Variants in DNMT3B observed in about 807,000 individuals in gnomAD.
DNMT3B encodes DNA methyltransferase 3 beta.
Under a neutral mutation model 120.2 loss-of-function variants are expected in DNMT3B, and 37 were observed. That is an observed-to-expected ratio of 0.31 (90% CI 0.24 to 0.40). The LOEUF is 0.40. DNMT3B is among the 10% of genes least tolerant of loss of function. The probability of loss-of-function intolerance (pLI) is 1.00; values close to 1 mark genes in which losing one functional copy is unlikely to be tolerated. For missense variants in DNMT3B, 878 were observed against 1,137.3 expected (o/e 0.77, Z 3.28); for synonymous variants, 412 against 442.8 (o/e 0.93, Z 0.87).
chr20:32,784,900 A>G, intron 4 of DNMT3B, 41 bp downstream of exon 4: 1 of 1,593,182 alleles, frequency 6.3e-7, no homozygotes, highest in East Asian at 2.2e-5. Context: ...TGTGGCCAAC[A>G]CTCTACATAG....
chr20:32,775,455 T>C (rs1003210536), intron 1 of DNMT3B, among the ~76,000 whole-genome samples: 4 of 152,204 alleles, frequency 2.6e-5, no homozygotes, highest in African/African-American at 4.8e-5. Flanking sequence ...CTGAGTCTAA[T>C]TGGGGGTTGC....
intron 20 of DNMT3B, 29 bp from the exon 21 acceptor site, chr20:32,805,309 A>G: frequency 6.2e-7 from 1 of 1,614,096 alleles, no homozygotes. Context: ...TATAGCTAGT[A>G]AGAAGTAATG....
At chr20:32,772,024 T>G (rs904038207) in intron 1 of DNMT3B, among the ~76,000 whole-genome samples, 47 of 152,196 alleles carry the variant, frequency 3.1e-4, no homozygotes, top group Non-Finnish European at 4.9e-4. Flanking sequence ...ATTATGCAGG[T>G]TTCTTGTTTT....
chr20:32,782,785 G>A (rs1978782915), intron 3 of DNMT3B, among the ~76,000 whole-genome samples: 1 of 152,146 alleles, frequency 6.6e-6, no homozygotes, highest in African/African-American at 2.4e-5. Flanking sequence ...GCAGCCATGG[G>A]GGGTCTTGCA....
intron 1 of DNMT3B, chr20:32,779,759 G>A: frequency 2.4e-6 from 1 of 411,080 alleles, no homozygotes. Flanking sequence ...CTGGAGGATG[G>A]GGTGAGGCGG....
intron 12 of DNMT3B, among the ~76,000 whole-genome samples, chr20:32,796,208 C>T (rs919222236): frequency 8.5e-5 from 13 of 152,142 alleles, no homozygotes; most frequent in African/African-American, 2.7e-4. Flanking sequence ...CCAGAGAACC[C>T]GGGGAAGAGC....
chr20:32,801,341 G>T lies in DNMT3B; in HGVS notation c.2060G>T (p.Gly687Val), dbSNP rs559662934. 2 of 1,614,174 alleles carry T rather than the reference G, an allele frequency of 1.2e-6. No individual in the cohort carries two copies. Among genetic ancestry groups the T allele is most frequent in the Non-Finnish European group, 1.7e-6 (2 of 1,180,044 alleles). The stretch of plus-strand genomic sequence containing the variant: ...CTGAATTACTCACGCCCCAAGGAGG[G>T]TGATGACCGGCCGTTCTTCTGGATG... The part of the protein sequence containing the change: ...HLLNYSRPKE[G>V]DDRPFFWMFE... The change falls in exon 19 of 23, where the codon GGT becomes GTT. Residue 687 changes from glycine (G) to valine (V), a missense_variant. By Grantham distance (109) the Gly-to-Val change is moderately radical. Around this residue, in one of 4 missense-constraint regions of DNMT3B, gnomAD observed 334 missense variants for 518.8 expected, o/e 0.64. Transcript: ENST00000328111.
intron 9 of DNMT3B, 76 bp from the exon 10 acceptor site, chr20:32,793,460 C>G: frequency 6.5e-7 from 1 of 1,530,138 alleles, no homozygotes; most frequent in Non-Finnish European, 9.0e-7. Context: ...AGAGCAAGAC[C>G]TTGTCTCAAA....
In DNMT3B at chr20:32,801,337, G is replaced by C; in HGVS notation, c.2056G>C (p.Glu686Gln). Reference protein sequence around the residue: ...YHLLNYSRPKEGDDRPFFWMF... With the variant: ...YHLLNYSRPKQGDDRPFFWMF... ...CCTGCTGAATTACTCACGCCCCAAGGAGGGTGATGACCGGCCGTTCTTCTG... is the reference window on the plus strand; with the variant it reads ...CCTGCTGAATTACTCACGCCCCAAGCAGGGTGATGACCGGCCGTTCTTCTG... The change falls in exon 19 of 23, where the codon GAG becomes CAG. Residue 686 changes from glutamate to glutamine, a missense_variant. By Grantham distance (29) the Glu-to-Gln change is conservative. Transcript: ENST00000328111. The C allele has an allele frequency of 2.5e-6, 4 of 1,614,194 alleles. No homozygotes were observed. Among genetic ancestry groups the C allele is most frequent in the Non-Finnish European group, 3.4e-6 (4 of 1,180,042 alleles).
rs1568830149 is a variant in DNMT3B at position 32,780,227 on chromosome 20, G to A, written c.-6-91G>A. 2.5e-6 allele frequency: 4 copies of A among 1,613,264 alleles called. No individual in the cohort carries two copies. The East Asian group carries it at 8.9e-5, about 36-fold the overall frequency. Reference sequence around the variant, plus strand: ...CCTAAGAATGCATCCTGGGGCCTTGGCCTGAGAACACAGAGCCCATGGCGG... The same window carrying A: ...CCTAAGAATGCATCCTGGGGCCTTGACCTGAGAACACAGAGCCCATGGCGG... On this transcript the variant is annotated intron_variant, in intron 1 of 22. Transcript: ENST00000328111.
rs192254502 is a variant in DNMT3B, at chr20:32,806,736, C to A, written c.2420+409C>A. Among the ~76,000 whole-genome samples, 442 of 152,318 alleles carry A rather than the reference C, an allele frequency of 2.9e-3. 2 individuals carry two copies. The highest frequency in any genetic ancestry group is 9.4e-3 in the African/African-American group (392 of 41,572). On this transcript the variant is annotated intron_variant, in intron 22 of 22. Transcript: ENST00000328111. ...TATCCTCTCCTTCCCTTTCTTTGGG[C>A]TAAGTTTGTCTGTTTTGATGCAAAT...
intron 18 of DNMT3B, 49 bp downstream of exon 18, chr20:32,800,974 C>T (rs773370635): frequency 6.9e-6 from 11 of 1,599,466 alleles, no homozygotes; most frequent in Non-Finnish European, 8.6e-7. Context: ...TGTCACCTGA[C>T]CACTGGCCCA....
At chr20:32,771,615 A>G (rs1987748355) in intron 1 of DNMT3B, among the ~76,000 whole-genome samples, 12 of 147,556 alleles carry the variant, frequency 8.1e-5, no homozygotes, top group African/African-American at 2.6e-4. Flanking sequence ...CAGCCTGGGC[A>G]ACAGAGCAAG....
At chr20:32,769,811 G>A (rs1234673890) in intron 1 of DNMT3B, among the ~76,000 whole-genome samples, 1 of 152,046 alleles carries the variant, frequency 6.6e-6, no homozygotes, top group Admixed American at 6.6e-5. Flanking sequence ...GCAGTGGCAC[G>A]ATTTGGCACA....
Position 32,807,969 on chromosome 20 carries a change from G to T in DNMT3B, c.*66G>T. ...CCAGGACCCAGGAGGTGTGATTCCTGAAGGCATCCCCAGGCCCTGCTCTTC... is the reference window on the plus strand; with the variant it reads ...CCAGGACCCAGGAGGTGTGATTCCTTAAGGCATCCCCAGGCCCTGCTCTTC... On this transcript the variant is annotated 3_prime_UTR_variant, in exon 23 of 23. Coordinates refer to ENST00000328111, the MANE Select transcript of DNMT3B (RefSeq NM_006892.4). 1 of 1,612,776 alleles carries T rather than the reference G, an allele frequency of 6.2e-7. No individual in the cohort carries two copies. Among genetic ancestry groups the T allele is most frequent in the East Asian group, 2.2e-5 (1 of 44,862 alleles).
chr20:32,799,337 G>A lies in DNMT3B; in HGVS notation c.1759+9G>A, dbSNP rs940166107. 10 of 1,610,384 alleles carry A rather than the reference G, an allele frequency of 6.2e-6. No individual in the cohort carries two copies. Among genetic ancestry groups the A allele is most frequent in the South Asian group, 1.1e-5 (1 of 90,214 alleles). ...TGATGGCATCGCGACAGGTGAGTTC[G>A]GGGAACACCTGGAGACACTGCTATC... On this transcript the variant is annotated intron_variant, in intron 16 of 22. Transcript: ENST00000328111.
intron 1 of DNMT3B, among the ~76,000 whole-genome samples, chr20:32,765,799 A>G (rs1601037999): frequency 1.6e-5 from 2 of 126,458 alleles, no homozygotes; most frequent in South Asian, 5.1e-4. Flanking sequence ...TCTGTCTCCC[A>G]GGCTGGAGTG....
chr20:32,768,365 T>A (rs1234937493), intron 1 of DNMT3B, among the ~76,000 whole-genome samples: 1 of 152,108 alleles, frequency 6.6e-6, no homozygotes, highest in African/African-American at 2.4e-5. Flanking sequence ...ACTAATTTTG[T>A]ATTTTTAGTA....
intron 16 of DNMT3B, 47 bp from the exon 17 acceptor site, chr20:32,800,106 G>T (rs374916523): frequency 2.0e-5 from 32 of 1,613,290 alleles, no homozygotes; most frequent in Non-Finnish European, 2.6e-5. Flanking sequence ...ATGAGCTGCT[G>T]TGTGCTCAGC....
Sources: allele counts gnomAD v4.1 joint callset (sites outside exome capture counted in the v4.1 genomes callset), GRCh38; gene constraint gnomAD v4.1.1; regional missense constraint gnomAD v4.1.1; transcripts MANE v1.5; gene names NCBI Gene and HGNC (gene_info 2026-07-23, HGNC 2026-07-21).